Variants in KIF16B observed in about 807,000 individuals in gnomAD.
KIF16B encodes the protein kinesin-like protein KIF16B.
A neutral mutation model predicts 156.3 loss-of-function variants in KIF16B; 98 were observed. That is an observed-to-expected ratio of 0.63 (90% CI 0.53 to 0.74). The LOEUF (loss-of-function observed/expected upper bound fraction) is 0.74, where lower values mean the gene tolerates loss of function less well. Ranked by LOEUF, KIF16B falls within the 30% of genes least tolerant of loss-of-function variation. KIF16B has a pLI of 0.00. For synonymous variants in KIF16B, 564 were observed against 583.7 expected (o/e 0.97, Z 0.49); for missense variants, 1,421 against 1,606.5 (o/e 0.88, Z 1.97).
rs1216925832 is a variant in KIF16B at position 16,526,179 on chromosome 20, T to G, written c.144A>C (p.Ser48=). The G allele has an allele frequency of 6.2e-7, 1 of 1,601,208 alleles. No individual in the cohort carries two copies. The highest frequency in any genetic ancestry group is 1.7e-5 in the Admixed American group (1 of 58,776). The part of the protein sequence containing the change: ...LKIPEGGTGD[S]GRERTKTFTY... ...TGAAGGTCTTGGTCCGTTCTCTTCC[T>G]GAGTCCCCAGTGCCTCCTTCTGGTA... Residue 48 remains serine, a synonymous_variant, in exon 3 of 26, where the codon TCA becomes TCC. Transcript: ENST00000354981.
intron 19 of KIF16B, among the ~76,000 whole-genome samples, chr20:16,377,657 T>C (rs1307775441): frequency 1.3e-5 from 2 of 152,088 alleles, no homozygotes; most frequent in Non-Finnish European, 2.9e-5. Context: ...GGTAGGAACA[T>C]GCTACCATCT....
rs1319570356 is a variant in KIF16B, at chr20:16,409,354, C to T, written c.1613-2898G>A. 2.0e-5 allele frequency among the ~76,000 whole-genome samples: 3 copies of T among 151,928 alleles called. No individual in the cohort carries two copies. The East Asian group carries it at 5.8e-4, about 30-fold the overall frequency. ...GCAAAGGGAACAAGAGTGAGCACTG[C>T]ACCAACATAAGGCTTGAGAAGGAGG... is the stretch of plus-strand genomic sequence containing the variant. On this transcript the variant is annotated intron_variant, in intron 15 of 25. Coordinates refer to ENST00000354981, the MANE Select transcript of KIF16B (RefSeq NM_024704.5).
chr20:16,515,824 C>G (rs1265659375), intron 3 of KIF16B, among the ~76,000 whole-genome samples, 160 bp from the exon 4 acceptor site: 2 of 152,142 alleles, frequency 1.3e-5, no homozygotes, highest in African/African-American at 4.8e-5. Flanking sequence ...TATGTAGACA[C>G]CACAGTTTTT....
At chr20:16,328,813 CA>C (rs2063899891) in intron 24 of KIF16B, among the ~76,000 whole-genome samples, 1 of 152,074 alleles carries the variant, frequency 6.6e-6, no homozygotes, top group South Asian at 2.1e-4. Context: ...TCTCACATGG[CA>C]GGAGGTGGGG....
At chr20:16,530,227 A>G (rs528033735) in intron 1 of KIF16B, among the ~76,000 whole-genome samples, 35 of 152,212 alleles carry the variant, frequency 2.3e-4, no homozygotes, top group Middle Eastern at 6.8e-3. Flanking sequence ...ACCTTCTAAC[A>G]CGGCTCCCAG....
intron 15 of KIF16B, among the ~76,000 whole-genome samples, chr20:16,423,435 C>G (rs4814495): frequency 0.48 from 72,721 of 151,820 alleles, 18,140 homozygotes; most frequent in East Asian, 0.76. Flanking sequence ...TGAGAAAGCA[C>G]TTACAAGGAG....
intron 23 of KIF16B, among the ~76,000 whole-genome samples, chr20:16,349,118 C>A (rs1413963201): frequency 6.6e-6 from 1 of 152,192 alleles, no homozygotes; most frequent in Admixed American, 6.5e-5. Flanking sequence ...TGGCTCTGGG[C>A]ACCCTTTGTC....
intron 1 of KIF16B, among the ~76,000 whole-genome samples, chr20:16,534,754 T>C (rs528219216): frequency 5.9e-5 from 9 of 152,256 alleles, no homozygotes; most frequent in East Asian, 1.9e-4. Flanking sequence ...CCCAGCATCA[T>C]GAAGAGAGCC....
chr20:16,340,557 T>C (rs2123004448), intron 23 of KIF16B, among the ~76,000 whole-genome samples: 1 of 152,346 alleles, frequency 6.6e-6, no homozygotes, highest in South Asian at 2.1e-4. Context: ...GTCTTCAATA[T>C]ACTCTGCCTC....
intron 12 of KIF16B, among the ~76,000 whole-genome samples, chr20:16,467,106 G>T (rs2067513076): frequency 6.6e-6 from 1 of 152,172 alleles, no homozygotes; most frequent in Admixed American, 6.5e-5. Context: ...AACCTGCTTG[G>T]ATTACATCAG....
intron 10 of KIF16B, among the ~76,000 whole-genome samples, chr20:16,502,860 G>A (rs2068664749): frequency 6.6e-6 from 1 of 152,146 alleles, no homozygotes. Flanking sequence ...AGTAATTTGA[G>A]TGATCCAATC....
chr20:16,546,905 TAG>T (rs1302359405), intron 1 of KIF16B, among the ~76,000 whole-genome samples: 12 of 152,086 alleles, frequency 7.9e-5, no homozygotes, highest in Non-Finnish European at 1.6e-4. Flanking sequence ...GCCTCCTGAG[TAG>T]CTGGGATTAC....
chr20:16,462,931 CCAGG>C (rs1195758340), intron 12 of KIF16B, among the ~76,000 whole-genome samples: 6 of 152,170 alleles, frequency 3.9e-5, no homozygotes, highest in African/African-American at 7.2e-5. Flanking sequence ...ATGGTGCTGG[CCAGG>C]CAGAGAACCC....
Position 16,310,843 on chromosome 20 carries a change from C to G in KIF16B, c.3795+1492G>C, listed in dbSNP as rs377239083. ...GTAACTCTGTAGTCTAACTCAAATG[C>G]CTCTAAGCATGGCTGTATCCCGAAA... On this transcript the variant is annotated intron_variant, in intron 25 of 25. Transcript: ENST00000354981. Among the ~76,000 whole-genome samples, 9 of 152,246 alleles carry G rather than the reference C, an allele frequency of 5.9e-5. No individual in the cohort carries two copies. The South Asian group carries it at 1.2e-3, about 21-fold the overall frequency.
intron 24 of KIF16B, among the ~76,000 whole-genome samples, chr20:16,322,874 T>C (rs1359559075): frequency 6.6e-6 from 1 of 152,034 alleles, no homozygotes; most frequent in African/African-American, 2.4e-5. Context: ...TAAGTGCAGG[T>C]GGTCTTGGAG....
chr20:16,421,119 C>T (rs2066215043), intron 15 of KIF16B, among the ~76,000 whole-genome samples: 1 of 152,078 alleles, frequency 6.6e-6, no homozygotes, highest in Non-Finnish European at 1.5e-5. Flanking sequence ...AGAGACTTGG[C>T]TGTCATCTGT....
chr20:16,273,799 C>A lies in KIF16B; in HGVS notation c.3796-388G>T, dbSNP rs112269515. On this transcript the variant is annotated intron_variant, in intron 25 of 25. Transcript: ENST00000354981. ...GAAAGTGCTATCATTGTCATTAAAA[C>A]CAGCACGTGAGGAATGCCCTCCACT... Among the ~76,000 whole-genome samples the A allele has an allele frequency of 1.3e-3, 193 of 152,198 alleles. 2 individuals carry two copies. The highest frequency in any genetic ancestry group is 4.2e-3 in the African/African-American group (176 of 41,526).
intron 24 of KIF16B, among the ~76,000 whole-genome samples, chr20:16,334,364 A>T (rs2063999136): frequency 6.6e-6 from 1 of 152,252 alleles, no homozygotes; most frequent in East Asian, 1.9e-4. Context: ...ACTTCTTTTA[A>T]TTGTCAATAT....
At chr20:16,393,443 T>C (rs2065418439) in intron 17 of KIF16B, among the ~76,000 whole-genome samples, 1 of 152,228 alleles carries the variant, frequency 6.6e-6, no homozygotes, top group Non-Finnish European at 1.5e-5. Flanking sequence ...GGTCATGAGA[T>C]ACGGGAGTTG....
Sources: gnomAD v4.1 joint callset for allele counts (sites outside exome capture counted in the v4.1 genomes callset) on GRCh38, gnomAD v4.1.1 for gene constraint, MANE v1.5 for transcripts, NCBI Gene and HGNC (gene_info 2026-07-23, HGNC 2026-07-21) for gene names.